The following ERC1 variants were observed in gnomAD, a reference collection of about 807,000 sequenced individuals.
The protein encoded by ERC1 is ELKS/RAB6-interacting/CAST family member 1.
ERC1 carries 56 observed loss-of-function variants against 132.0 expected under a neutral mutation model. The observed-to-expected ratio is 0.42, with a 90% CI of 0.34 to 0.53. The LOEUF is 0.53. Ranked by LOEUF, ERC1 falls within the 20% of genes least tolerant of loss-of-function variation. ERC1 has a pLI of 0.03. For missense variants in ERC1, 1,202 were observed against 1,349.9 expected (o/e 0.89, Z 1.72); for synonymous variants, 478 against 476.1 (o/e 1.00, Z -0.05).
At chr12:1,104,714 G>A in intron 3 of ERC1, 36 bp from the exon 4 acceptor site, 2 of 1,452,300 alleles carry the variant, frequency 1.4e-6, no homozygotes, top group East Asian at 4.5e-5. Flanking sequence ...GGGTGAACAG[G>A]AGAGCACTGA....
intron 16 of ERC1, among the ~76,000 whole-genome samples, chr12:1,407,826 C>A (rs2091600135): frequency 6.6e-6 from 1 of 152,094 alleles, no homozygotes; most frequent in Non-Finnish European, 1.5e-5. Context: ...TTCTCTTCTT[C>A]TTCTTACGAA....
chr12:1,079,151 G>A (rs1941824615), intron 2 of ERC1, among the ~76,000 whole-genome samples: 1 of 136,044 alleles, frequency 7.4e-6, no homozygotes, highest in African/African-American at 2.6e-5. Flanking sequence ...ATGACAAGTC[G>A]ATATACAGAG....
intron 1 of ERC1, among the ~76,000 whole-genome samples, chr12:1,022,509 C>T (rs929405356): frequency 6.6e-6 from 1 of 152,132 alleles, no homozygotes; most frequent in African/African-American, 2.4e-5. Flanking sequence ...TTGAAAAACA[C>T]TGACTGGGGA....
Position 1,348,484 on chromosome 12 carries a change from C to G in ERC1, c.2781-23349C>G, listed in dbSNP as rs186679194. Among the ~76,000 whole-genome samples, 273 of 152,066 alleles carry G rather than the reference C, an allele frequency of 1.8e-3. 1 individual carries two copies. The highest frequency in any genetic ancestry group is 3.3e-3 in the Non-Finnish European group (226 of 67,958). ...GGCAGATCACTTGAGGTCAGGAGTTCGAGACCATCCTGGCCAAAACCAACA... is the reference window on the plus strand; with the variant it reads ...GGCAGATCACTTGAGGTCAGGAGTTGGAGACCATCCTGGCCAAAACCAACA... On this transcript the variant is annotated intron_variant, in intron 15 of 18. Transcript: ENST00000360905.
chr12:1,065,922 A>G (rs1254169284), intron 2 of ERC1, among the ~76,000 whole-genome samples: 1 of 152,216 alleles, frequency 6.6e-6, no homozygotes, highest in Non-Finnish European at 1.5e-5. Flanking sequence ...ACAAAAGATC[A>G]CTTATTGTAT....
At chr12:1,121,699 ATC>A (rs1213570221) in intron 7 of ERC1, among the ~76,000 whole-genome samples, 4 of 59,894 alleles carry the variant, frequency 6.7e-5, no homozygotes, top group African/African-American at 2.0e-4. Context: ...CTCTATCTCT[ATC>A]TCTATCTGTG....
intron 18 of ERC1, among the ~76,000 whole-genome samples, chr12:1,482,098 G>T (rs569776740): frequency 3.3e-5 from 5 of 152,164 alleles, no homozygotes; most frequent in Non-Finnish European, 5.9e-5. Context: ...TAATGGAATG[G>T]CGGTCTGCTG....
At chr12:1,362,292 T>C (rs2086201545) in intron 15 of ERC1, among the ~76,000 whole-genome samples, 1 of 152,228 alleles carries the variant, frequency 6.6e-6, no homozygotes, top group Non-Finnish European at 1.5e-5. Context: ...TCCAGCAAAG[T>C]TGCCAGCATT....
At chr12:1,397,102 T>C (rs2090608466) in intron 16 of ERC1, among the ~76,000 whole-genome samples, 1 of 152,198 alleles carries the variant, frequency 6.6e-6, no homozygotes, top group African/African-American at 2.4e-5. Flanking sequence ...CCATTCATAG[T>C]AAGATAATGG....
At chr12:1,178,274 G>A (rs1306815054) in intron 8 of ERC1, among the ~76,000 whole-genome samples, 2 of 151,764 alleles carry the variant, frequency 1.3e-5, no homozygotes, top group Non-Finnish European at 1.5e-5. Flanking sequence ...TTGTAATTCC[G>A]TTATTGGCAG....
intron 12 of ERC1, among the ~76,000 whole-genome samples, chr12:1,216,265 A>T (rs77452297): frequency 0.013 from 2,003 of 152,204 alleles, 48 homozygotes; most frequent in African/African-American, 0.045. Context: ...ATTTTAACTA[A>T]CATTTATTGA....
At chr12:1,192,275 C>T (rs527585910) in intron 12 of ERC1, among the ~76,000 whole-genome samples, 8 of 152,264 alleles carry the variant, frequency 5.3e-5, no homozygotes, top group African/African-American at 1.7e-4. Context: ...TTCACTTATG[C>T]CCTTGAATGC....
chr12:1,006,988 A>T (rs1388079180), intron 1 of ERC1, among the ~76,000 whole-genome samples: 1 of 150,720 alleles, frequency 6.6e-6, no homozygotes, highest in Non-Finnish European at 1.5e-5. Context: ...TATAGTATAT[A>T]GTGTATATAT....
rs2094326440 is a variant in ERC1 at position 1,492,505 on chromosome 12, T to A, written c.*2275T>A. On this transcript the variant is annotated 3_prime_UTR_variant, in exon 19 of 19. Coordinates refer to ENST00000360905, the MANE Select transcript of ERC1 (RefSeq NM_178040.4). ...GCAGGTGGCCCAGATCCCACCCACG[T>A]GGACTTTCTCATCAGGTGCAGCGCC... 1 of 233,170 alleles carries A rather than the reference T, an allele frequency of 4.3e-6. No individual in the cohort carries two copies. The highest frequency in any genetic ancestry group is 2.2e-5 in the African/African-American group (1 of 45,340). 14.4% of individuals were successfully genotyped at this position (233,170 alleles called of 1,614,324 possible). A position where few individuals can be genotyped will look rare whatever the true frequency, so the allele number is the denominator to read the frequency against.
intron 12 of ERC1, among the ~76,000 whole-genome samples, chr12:1,193,697 G>T (rs1955955394): frequency 6.6e-6 from 1 of 152,212 alleles, no homozygotes; most frequent in African/African-American, 2.4e-5. Flanking sequence ...ACAAGCCAAA[G>T]CTGTGGTCCA....
chr12:1,380,828 G>A (rs1162111553), intron 16 of ERC1: 2 of 152,174 alleles, frequency 1.3e-5, no homozygotes, highest in Non-Finnish European at 1.5e-5. Context: ...TCTAAAAGAA[G>A]ATAACAATGG....
At chr12:1,083,685 G>A (rs1221625168) in intron 3 of ERC1, 105 bp downstream of exon 3, 12 of 891,466 alleles carry the variant, frequency 1.3e-5, no homozygotes, top group Non-Finnish European at 1.9e-5. Context: ...CCGTGCTGGT[G>A]GAAGAGAATT....
intron 2 of ERC1, among the ~76,000 whole-genome samples, chr12:1,069,246 G>A (rs148354976): frequency 9.1e-4 from 138 of 152,176 alleles, no homozygotes; most frequent in African/African-American, 3.3e-3. Context: ...AGATATCAAG[G>A]TTCCTTAGAT....
At chr12:1,135,248 C>G (rs1289028684) in intron 7 of ERC1, among the ~76,000 whole-genome samples, 2 of 152,180 alleles carry the variant, frequency 1.3e-5, no homozygotes, top group Non-Finnish European at 2.9e-5. Flanking sequence ...AAACTCAGTT[C>G]TCCAGGTCAC....
Sources: gnomAD v4.1 joint callset for allele counts (sites outside exome capture counted in the v4.1 genomes callset) on GRCh38, gnomAD v4.1.1 for gene constraint, MANE v1.5 for transcripts, NCBI Gene and HGNC (gene_info 2026-07-23, HGNC 2026-07-21) for gene names.